DGKB: variants seen among roughly 807,000 people sequenced by gnomAD.
DGKB encodes the protein diacylglycerol kinase beta, also known as 90 kDa diacylglycerol kinase.
A neutral mutation model predicts 114.3 loss-of-function variants in DGKB; 67 were observed. The observed-to-expected ratio is 0.59, with a 90% CI of 0.48 to 0.72. The LOEUF is 0.72. Among genes scored for constraint, DGKB ranks in the 30% least tolerant of loss-of-function variants. The probability of loss-of-function intolerance (pLI) is 0.00; values close to 1 mark genes in which losing one functional copy is unlikely to be tolerated. For missense variants in DGKB, 907 were observed against 975.2 expected, an observed-to-expected ratio of 0.93 and a Z score of 0.93; for synonymous variants, 398 against 323.1, an observed-to-expected ratio of 1.23 and a Z score of -2.49.
intron 21 of DGKB, among the ~76,000 whole-genome samples, chr7:14,419,746 C>T (rs1237745904): frequency 2.0e-5 from 3 of 152,008 alleles, no homozygotes; most frequent in African/African-American, 4.8e-5. Flanking sequence ...TCAGTTAGCT[C>T]TGAATGGCCT....
intron 2 of DGKB, among the ~76,000 whole-genome samples, chr7:14,795,114 G>A (rs1364809002): frequency 6.6e-6 from 1 of 152,152 alleles, no homozygotes; most frequent in African/African-American, 2.4e-5. Flanking sequence ...CCCATGAGGA[G>A]GTATGTTAAA....
chr7:14,934,528 T>C (rs1419001110), intron 1 of DGKB, among the ~76,000 whole-genome samples: 1 of 152,138 alleles, frequency 6.6e-6, no homozygotes. Context: ...ACTTTCTGAA[T>C]GTACAAAGTA....
At chr7:14,933,904 A>T (rs543693690) in intron 1 of DGKB, among the ~76,000 whole-genome samples, 1 of 152,246 alleles carries the variant, frequency 6.6e-6, no homozygotes, top group South Asian at 2.1e-4. Context: ...CAATTATAGC[A>T]CATAAGCCAA....
intron 1 of DGKB, among the ~76,000 whole-genome samples, chr7:14,850,868 T>C (rs879945020): frequency 8.5e-5 from 13 of 152,220 alleles, no homozygotes; most frequent in Admixed American, 4.6e-4. Context: ...TTGAGTTAGA[T>C]AGACCTGCAT....
intron 1 of DGKB, among the ~76,000 whole-genome samples, chr7:14,952,902 A>AT (rs1453809204): frequency 1.3e-5 from 2 of 152,164 alleles, no homozygotes; most frequent in East Asian, 3.9e-4. Flanking sequence ...GGAAATCTAG[A>AT]AATAAACCAT....
At chr7:14,693,166 C>T (rs1045722998) in intron 9 of DGKB, among the ~76,000 whole-genome samples, 2 of 152,166 alleles carry the variant, frequency 1.3e-5, no homozygotes, top group East Asian at 3.9e-4. Context: ...ATACTATGGT[C>T]TTACACCTTA....
At chr7:14,296,554 G>T (rs1396155788) in intron 23 of DGKB, among the ~76,000 whole-genome samples, 7 of 151,870 alleles carry the variant, frequency 4.6e-5, no homozygotes, top group Non-Finnish European at 1.0e-4. Flanking sequence ...TGTATTTCTG[G>T]CTCTAGATCC....
At chr7:14,546,011 C>A (rs1189816787) in intron 20 of DGKB, among the ~76,000 whole-genome samples, 1 of 152,098 alleles carries the variant, frequency 6.6e-6, no homozygotes, top group Non-Finnish European at 1.5e-5. Context: ...TGAATGTTTT[C>A]TAAGCAAAGG....
At chr7:14,363,592 A>C (rs1816130761) in intron 21 of DGKB, among the ~76,000 whole-genome samples, 1 of 152,052 alleles carries the variant, frequency 6.6e-6, no homozygotes, top group Non-Finnish European at 1.5e-5. Context: ...AAGAGATAAG[A>C]TTGTGCTAGT....
In DGKB at chr7:14,682,768, G is replaced by C. The variant is rs1297965050; in HGVS notation, c.903C>G (p.Ser301=). 6.2e-7 allele frequency: 1 copy of C among 1,611,830 alleles called. No individual in the cohort carries two copies. The highest frequency in any genetic ancestry group is 2.2e-5 in the East Asian group (1 of 44,814). ...ACAAACTTACATCAGTGTTCCTTTTGGACTTCACATAGGTCTTGATGCAAG... is the reference window on the plus strand; with the variant it reads ...ACAAACTTACATCAGTGTTCCTTTTCGACTTCACATAGGTCTTGATGCAAG... ...PPSCIKTYVK[S]KRNTDVMHHY... Residue 301 remains serine (S), a synonymous_variant, in exon 11 of 26, where the codon TCC becomes TCG. Transcript: ENST00000402815.
chr7:14,189,353 T>A (rs1340813013), intron 23 of DGKB, among the ~76,000 whole-genome samples: 1 of 152,156 alleles, frequency 6.6e-6, no homozygotes, highest in Non-Finnish European at 1.5e-5. Flanking sequence ...TAGTCAATTC[T>A]AACTACAAGA....
chr7:14,484,745 T>G (rs1303352648), intron 20 of DGKB, among the ~76,000 whole-genome samples: 1 of 152,154 alleles, frequency 6.6e-6, no homozygotes, highest in African/African-American at 2.4e-5. Flanking sequence ...GAGTATCTAT[T>G]TAAGATTGTA....
intron 23 of DGKB, among the ~76,000 whole-genome samples, chr7:14,295,373 G>GAAGA (rs1802370759): frequency 6.6e-6 from 1 of 151,932 alleles, no homozygotes. Context: ...TATAATTATG[G>GAAGA]AAGAATAAAC....
At chr7:14,811,117 C>G (rs1002702555) in intron 2 of DGKB, among the ~76,000 whole-genome samples, 1 of 152,134 alleles carries the variant, frequency 6.6e-6, no homozygotes, top group Non-Finnish European at 1.5e-5. Flanking sequence ...GATGGTATAA[C>G]TAAAAAGTGG....
intron 2 of DGKB, among the ~76,000 whole-genome samples, chr7:14,829,408 A>C (rs906989341): frequency 3.3e-5 from 5 of 152,272 alleles, no homozygotes; most frequent in Admixed American, 1.3e-4. Context: ...AGTCACACAC[A>C]AAGTATAAGC....
intron 2 of DGKB, among the ~76,000 whole-genome samples, chr7:14,796,569 TGAA>T (rs1841437412): frequency 6.6e-6 from 1 of 151,428 alleles, no homozygotes; most frequent in African/African-American, 2.4e-5. Flanking sequence ...ATCAAAGCAA[TGAA>T]TACCAAGAGG....
chr7:14,966,076 TTC>T (rs1249783567), intron 1 of DGKB, among the ~76,000 whole-genome samples: 5 of 152,110 alleles, frequency 3.3e-5, no homozygotes, highest in Non-Finnish European at 7.4e-5. Context: ...GTCTAAAATC[TTC>T]TGTTTAATGG....
rs1781484108 is a variant in DGKB at position 14,146,442 on chromosome 7, G to C, written c.*2689C>G. The C allele has an allele frequency of 1.3e-5, 2 of 152,232 alleles. No individual in the cohort carries two copies. Among genetic ancestry groups the C allele is most frequent in the South Asian group, 4.1e-4 (2 of 4,824 alleles). The allele number at this position is 152,232 out of a possible 1,614,324, so 9.4% of individuals were successfully genotyped here. On this transcript the variant is annotated 3_prime_UTR_variant, in exon 26 of 26. Transcript: ENST00000402815. Reference sequence around the variant, plus strand: ...ACTTTATGTCTCCTATATTAAAAGAGGGCGACTCAATAGCTGAAAATTTAT... The same window carrying C: ...ACTTTATGTCTCCTATATTAAAAGACGGCGACTCAATAGCTGAAAATTTAT...
intron 23 of DGKB, among the ~76,000 whole-genome samples, chr7:14,305,079 T>C (rs1804246533): frequency 6.6e-6 from 1 of 152,170 alleles, no homozygotes; most frequent in South Asian, 2.1e-4. Context: ...AATGATCCAA[T>C]CAGGGTAATT....
Sources: gnomAD v4.1 joint callset for allele counts (sites outside exome capture counted in the v4.1 genomes callset) on GRCh38, gnomAD v4.1.1 for gene constraint, MANE v1.5 for transcripts, NCBI Gene and HGNC (gene_info 2026-07-23, HGNC 2026-07-21) for gene names.